The following IFT43 variants were observed in gnomAD, a reference collection of about 807,000 sequenced individuals.
The protein encoded by IFT43 is intraflagellar transport 43.
IFT43 carries 33 observed loss-of-function variants against 32.3 expected under a neutral mutation model. The ratio of observed to expected loss-of-function variants is 1.02; its 90% CI spans 0.77 to 1.37. The LOEUF is 1.37. Among genes scored for constraint, IFT43 ranks in the 40% most tolerant of loss-of-function variants. IFT43 has a pLI of 0.00. For synonymous variants in IFT43, 93 were observed against 98.2 expected (o/e 0.95, Z 0.31); for missense variants, 274 against 265.9 (o/e 1.03, Z -0.21).
intron 5 of IFT43, among the ~76,000 whole-genome samples, chr14:76,068,556 AATGACCTC>A (rs1000071717): frequency 2.6e-5 from 4 of 152,308 alleles, no homozygotes; most frequent in Admixed American, 2.6e-4. Flanking sequence ...CAGAACCCCA[AATGACCTC>A]ATGGTCCTCA....
chr14:76,023,383 C>T (rs927342987), intron 3 of IFT43, among the ~76,000 whole-genome samples: 3 of 152,214 alleles, frequency 2.0e-5, no homozygotes, highest in African/African-American at 7.2e-5. Flanking sequence ...AGCCAGCTGC[C>T]TGGCTTTGAA....
intron 2 of IFT43, among the ~76,000 whole-genome samples, chr14:76,017,136 A>G (rs890958533): frequency 1.3e-5 from 2 of 152,180 alleles, no homozygotes; most frequent in African/African-American, 4.8e-5. Flanking sequence ...CTTAGAGGAA[A>G]AATGTTCAGC....
chr14:76,020,394 T>C (rs1425855778), intron 2 of IFT43, among the ~76,000 whole-genome samples: 1 of 152,228 alleles, frequency 6.6e-6, no homozygotes, highest in African/African-American at 2.4e-5. Flanking sequence ...TACTGGAGAA[T>C]TATTGTGTTC....
intron 5 of IFT43, among the ~76,000 whole-genome samples, chr14:76,071,778 C>A (rs1426308992): frequency 6.6e-6 from 1 of 152,170 alleles, no homozygotes; most frequent in Non-Finnish European, 1.5e-5. Context: ...AATCATGTTT[C>A]TGTTTGACAA....
chr14:76,017,243 G>C (rs963533736), intron 2 of IFT43, among the ~76,000 whole-genome samples: 2 of 152,038 alleles, frequency 1.3e-5, no homozygotes, highest in African/African-American at 4.8e-5. Flanking sequence ...GATTTGCTGA[G>C]AATTTTTATT....
chr14:76,070,749 G>GT (rs1395436351), intron 5 of IFT43, among the ~76,000 whole-genome samples: 24 of 152,020 alleles, frequency 1.6e-4, no homozygotes, highest in Admixed American at 1.5e-3. Context: ...AGTTCCGGTT[G>GT]TTTAAGTGTG....
At chr14:76,067,377 C>A (rs983492899) in intron 5 of IFT43, among the ~76,000 whole-genome samples, 12 of 151,822 alleles carry the variant, frequency 7.9e-5, no homozygotes, top group African/African-American at 2.7e-4. Context: ...ACCAACCTGG[C>A]CAACATGGTG....
At chr14:76,059,581 T>A in intron 5 of IFT43, 1 of 582,142 alleles carries the variant, frequency 1.7e-6, no homozygotes, top group Non-Finnish European at 3.1e-6. Context: ...TAACCCTGCT[T>A]ATCCTTCAAA....
intron 5 of IFT43, among the ~76,000 whole-genome samples, chr14:76,064,198 C>T (rs1054258896): frequency 2.0e-5 from 3 of 152,158 alleles, no homozygotes; most frequent in African/African-American, 7.2e-5. Context: ...TAGACTTCTC[C>T]ACCCACTAAT....
intron 5 of IFT43, among the ~76,000 whole-genome samples, chr14:76,081,403 C>A (rs943010833): frequency 2.6e-5 from 4 of 152,198 alleles, no homozygotes; most frequent in Admixed American, 6.5e-5. Flanking sequence ...CCTCCCTTCT[C>A]CCCCACCCCT....
chr14:75,999,988 G>A (rs2035852011), intron 2 of IFT43, among the ~76,000 whole-genome samples: 1 of 152,234 alleles, frequency 6.6e-6, no homozygotes, highest in African/African-American at 2.4e-5. Context: ...TTGTTGGCAG[G>A]GAGATCGCTG....
intron 5 of IFT43, among the ~76,000 whole-genome samples, chr14:76,063,881 A>T (rs550315223): frequency 6.6e-6 from 1 of 152,222 alleles, no homozygotes; most frequent in African/African-American, 2.4e-5. Flanking sequence ...CCATGCACTA[A>T]TCAGAAGCTA....
intron 2 of IFT43, among the ~76,000 whole-genome samples, chr14:75,996,892 A>G (rs755275638): frequency 2.0e-5 from 3 of 152,238 alleles, no homozygotes; most frequent in Admixed American, 6.5e-5. Flanking sequence ...TCTGTGTGCC[A>G]GGTATTGTGC....
At chr14:76,057,202 A>G (rs1394162770) in intron 3 of IFT43, among the ~76,000 whole-genome samples, 2 of 151,976 alleles carry the variant, frequency 1.3e-5, no homozygotes, top group African/African-American at 4.8e-5. Context: ...ACTTTGACTT[A>G]CTTTTTAAAA....
intron 2 of IFT43, among the ~76,000 whole-genome samples, chr14:75,989,961 C>T (rs773643187): frequency 3.3e-5 from 5 of 152,270 alleles, no homozygotes; most frequent in Admixed American, 1.3e-4. Flanking sequence ...AAGCTCTCCA[C>T]ATGGCCTTGT....
At chr14:76,058,762 A>G in intron 4 of IFT43, 88 bp downstream of exon 4, 1 of 1,604,196 alleles carries the variant, frequency 6.2e-7, no homozygotes, top group Non-Finnish European at 8.5e-7. Flanking sequence ...TGTTCCACCT[A>G]TGTTGAACAC....
At chr14:76,019,851 G>C (rs1258896062) in intron 2 of IFT43, among the ~76,000 whole-genome samples, 1 of 151,790 alleles carries the variant, frequency 6.6e-6, no homozygotes, top group Non-Finnish European at 1.5e-5. Flanking sequence ...TGAAGCTCTT[G>C]ATTGTATTTT....
intron 8 of IFT43, 24 bp downstream of exon 8, chr14:76,083,313 C>T (rs200714442): frequency 2.1e-5 from 34 of 1,609,812 alleles, no homozygotes; most frequent in Admixed American, 5.0e-5. Context: ...AGCAATTCCC[C>T]GGTCTCTCAG....
intron 6 of IFT43, 21 bp downstream of exon 6, chr14:76,082,388 T>C (rs775306365): frequency 6.8e-6 from 10 of 1,472,754 alleles, no homozygotes; most frequent in South Asian, 1.1e-5. Flanking sequence ...TCAGATATGA[T>C]TGGGGAGGCA....
Sources: gnomAD v4.1 joint callset for allele counts (sites outside exome capture counted in the v4.1 genomes callset) on GRCh38, gnomAD v4.1.1 for gene constraint, MANE v1.5 for transcripts, NCBI Gene and HGNC (gene_info 2026-07-23, HGNC 2026-07-21) for gene names.